Variants in VPS41 observed in about 807,000 individuals in gnomAD.
VPS41 encodes the protein vacuolar protein sorting-associated protein 41 homolog.
VPS41 carries 85 observed loss-of-function variants against 130.9 expected under a neutral mutation model. The observed-to-expected ratio is 0.65, with a 90% CI of 0.55 to 0.78. The LOEUF (loss-of-function observed/expected upper bound fraction) is 0.78, where lower values mean the gene tolerates loss of function less well. Among genes scored for constraint, VPS41 ranks in the 30% least tolerant of loss-of-function variants. VPS41 has a pLI of 0.00. For synonymous variants in VPS41, 335 were observed against 332.9 expected, an observed-to-expected ratio of 1.01 and a Z score of -0.07; for missense variants, 874 against 1,018.7, an observed-to-expected ratio of 0.86 and a Z score of 1.93.
rs969942949 is a variant in VPS41, at chr7:38,843,288, C to T, written c.247-12960G>A. Among the ~76,000 whole-genome samples, 5 of 152,146 alleles carry T rather than the reference C, an allele frequency of 3.3e-5. No individual in the cohort carries two copies. The East Asian group carries it at 5.8e-4, about 18-fold the overall frequency. ...TGATGAAGAGCTGACAGTCCAGATG[C>T]GGCAATCATGTCCCCGTGACACTAA... On this transcript the variant is annotated intron_variant, in intron 4 of 28. Transcript: ENST00000310301.
At chr7:38,772,719 T>A in intron 12 of VPS41, 82 bp from the exon 13 acceptor site, 2 of 864,116 alleles carry the variant, frequency 2.3e-6, no homozygotes, top group Non-Finnish European at 1.9e-6. Context: ...CTGGTTAGGT[T>A]ACCCAACCCA....
At chr7:38,731,248 A>G (rs1003328604) in intron 25 of VPS41, among the ~76,000 whole-genome samples, 1 of 152,220 alleles carries the variant, frequency 6.6e-6, no homozygotes, top group Non-Finnish European at 1.5e-5. Context: ...ATTAAAGGTG[A>G]TAAGTGAAGG....
At chr7:38,873,069 T>C (rs1786407905) in intron 2 of VPS41, among the ~76,000 whole-genome samples, 1 of 152,220 alleles carries the variant, frequency 6.6e-6, no homozygotes, top group South Asian at 2.1e-4. Flanking sequence ...GGTTTCCCTG[T>C]CTTACTTATA....
chr7:38,747,271 G>T (rs537878720), intron 22 of VPS41, among the ~76,000 whole-genome samples: 3 of 152,204 alleles, frequency 2.0e-5, no homozygotes, highest in African/African-American at 7.2e-5. Context: ...TACATCAGAG[G>T]ACACGGGATT....
chr7:38,822,874 A>G (rs2190670), intron 5 of VPS41, among the ~76,000 whole-genome samples: 142,488 of 152,318 alleles, frequency 0.94, 66,802 homozygotes, highest in East Asian at 1. Flanking sequence ...CTCTCAGCAT[A>G]AGAATTCCAT....
chr7:38,817,545 G>C (rs1333276377), intron 7 of VPS41, among the ~76,000 whole-genome samples: 1 of 152,212 alleles, frequency 6.6e-6, no homozygotes, highest in African/African-American at 2.4e-5. Flanking sequence ...TTGAACCCAG[G>C]AGGCGGAGGC....
intron 14 of VPS41, among the ~76,000 whole-genome samples, chr7:38,770,156 C>A (rs1049912159): frequency 2.0e-5 from 3 of 151,964 alleles, no homozygotes; most frequent in Non-Finnish European, 2.9e-5. Context: ...GTAGTCCCAG[C>A]TACTCGGGAG....
At position 38,745,629 on chromosome 7, in the gene VPS41, G is replaced by A. The variant is rs755974312; in HGVS notation, c.1927-16C>T. 2.5e-6 allele frequency: 4 copies of A among 1,591,296 alleles called. No homozygotes were observed. Among genetic ancestry groups the A allele is most frequent in the East Asian group, 4.6e-5 (2 of 43,936 alleles). ...TCTCAAGAGCCTTCAATTAAAGCAG[G>A]GTAAAAATGTTACTATAGGCGACCA... On this transcript the variant is annotated splice_polypyrimidine_tract_variant and intron_variant, in intron 22 of 28. Transcript: ENST00000310301.
intron 24 of VPS41, among the ~76,000 whole-genome samples, chr7:38,743,043 T>TA (rs1397404091): frequency 4.7e-5 from 7 of 149,880 alleles, no homozygotes; most frequent in African/African-American, 1.7e-4. Context: ...TCTATACACT[T>TA]AAACTATAAA....
At chr7:38,824,511 A>G (rs1019714598) in intron 5 of VPS41, among the ~76,000 whole-genome samples, 15 of 152,214 alleles carry the variant, frequency 9.9e-5, no homozygotes, top group African/African-American at 3.6e-4. Context: ...CATAAAAATC[A>G]TAAGCAGAAG....
At chr7:38,906,430 G>A (rs558741564) in intron 1 of VPS41, among the ~76,000 whole-genome samples, 12 of 151,222 alleles carry the variant, frequency 7.9e-5, no homozygotes, top group East Asian at 2.0e-4. Flanking sequence ...CTGCTGCCCC[G>A]ACCCTCTTGA....
intron 2 of VPS41, among the ~76,000 whole-genome samples, chr7:38,875,191 G>A (rs1182122833): frequency 3.3e-5 from 5 of 152,002 alleles, no homozygotes; most frequent in Admixed American, 1.3e-4. Context: ...TTAACAACAC[G>A]CACAAAAGGC....
intron 21 of VPS41, among the ~76,000 whole-genome samples, chr7:38,754,204 C>T (rs148154161): frequency 7.3e-4 from 111 of 152,216 alleles, no homozygotes; most frequent in African/African-American, 2.7e-3. Context: ...TGAGACTCTG[C>T]CCTTTTATCG....
intron 2 of VPS41, among the ~76,000 whole-genome samples, chr7:38,871,545 C>T (rs1317999806): frequency 1.3e-5 from 2 of 152,110 alleles, no homozygotes; most frequent in African/African-American, 4.8e-5. Context: ...AACTGGTGAT[C>T]AGAGATTTTA....
At chr7:38,826,257 T>C (rs927447988) in intron 5 of VPS41, among the ~76,000 whole-genome samples, 6 of 152,162 alleles carry the variant, frequency 3.9e-5, no homozygotes, top group African/African-American at 1.4e-4. Flanking sequence ...AAGGGCAAGT[T>C]AGACATTGAA....
chr7:38,725,086 C>T lies in VPS41; in HGVS notation c.*1160G>A, dbSNP rs908086109. 6.6e-6 allele frequency: 1 copy of T among 152,244 alleles called. No individual in the cohort carries two copies. The highest frequency in any genetic ancestry group is 1.5e-5 in the Non-Finnish European group (1 of 68,062). 9.4% of individuals were successfully genotyped at this position (152,244 alleles called of 1,614,324 possible). A position where few individuals can be genotyped will look rare whatever the true frequency, so the allele number is the denominator to read the frequency against. ...ATGGCTGGGTGACTTCGGTAGCTGGCATGCTGTCAGTACTCACTAGCACCC... is the reference window on the plus strand; with the variant it reads ...ATGGCTGGGTGACTTCGGTAGCTGGTATGCTGTCAGTACTCACTAGCACCC... On this transcript the variant is annotated 3_prime_UTR_variant, in exon 29 of 29. Transcript: ENST00000310301.
In VPS41 at chr7:38,756,841, T is replaced by C. The variant is rs1211073920; in HGVS notation, c.1692A>G (p.Ser564=). The part of the protein sequence containing the change: ...DKIVLLMDFD[S]EKAVDMLLDN... ...ACTAAAATAAAAAGCACATTACCTC[T>C]GAATCAAAATCCATTAATAAAACAA... is the stretch of plus-strand genomic sequence containing the variant. The change falls in exon 19 of 29, where the codon TCA becomes TCG. Residue 564 remains serine (S), a synonymous_variant. Coordinates refer to ENST00000310301, the MANE Select transcript of VPS41 (RefSeq NM_014396.4). The C allele has an allele frequency of 6.4e-7, 1 of 1,552,392 alleles. No homozygotes were observed. Among genetic ancestry groups the C allele is most frequent in the South Asian group, 1.1e-5 (1 of 87,292 alleles).
At position 38,865,437 on chromosome 7, in the gene VPS41, A is replaced by C. The variant is rs184916453; in HGVS notation, c.169-2815T>G. ...CTGGTTCATTCAACAAACACACACA[A>C]AAAAAAACACTCTATAATACGCTTA... On this transcript the variant is annotated intron_variant, in intron 3 of 28. Coordinates refer to ENST00000310301, the MANE Select transcript of VPS41 (RefSeq NM_014396.4). Among the ~76,000 whole-genome samples, 88 of 151,672 alleles carry C rather than the reference A, an allele frequency of 5.8e-4. 1 individual carries two copies. The highest frequency in any genetic ancestry group is 1.8e-3 in the Admixed American group (27 of 15,256).
chr7:38,760,673 C>T lies in VPS41; in HGVS notation c.1423-2192G>A, dbSNP rs144789605. Among the ~76,000 whole-genome samples the T allele has an allele frequency of 5.7e-4, 86 of 152,176 alleles. 1 individual carries two copies. In the East Asian group the frequency reaches 0.013, roughly 23 times the overall value. On this transcript the variant is annotated intron_variant, in intron 17 of 28. Coordinates refer to ENST00000310301, the MANE Select transcript of VPS41 (RefSeq NM_014396.4). ...TTGGAAAAAGCACAGGACACAGACC[C>T]TGTTTCTTTTCCCCAAGTATGTCCC...
Sources: allele counts gnomAD v4.1 joint callset (sites outside exome capture counted in the v4.1 genomes callset), GRCh38; gene constraint gnomAD v4.1.1; transcripts MANE v1.5; gene names NCBI Gene and HGNC (gene_info 2026-07-23, HGNC 2026-07-21).